ARRDC5: variants seen among roughly 807,000 people sequenced by gnomAD.
The protein encoded by ARRDC5 is arrestin domain containing 5.
ARRDC5 carries 12 observed loss-of-function variants against 13.3 expected under a neutral mutation model. That is an observed-to-expected ratio of 0.90 (90% CI 0.58 to 1.46). ARRDC5 has a LOEUF of 1.46. Among genes scored for constraint, ARRDC5 ranks in the 40% most tolerant of loss-of-function variants. The pLI is 0.00. For missense variants in ARRDC5, 406 were observed against 418.7 expected (o/e 0.97, Z 0.26); for synonymous variants, 181 against 173.4 (o/e 1.04, Z -0.34).
chr19:4,916,562 G>A, the ARRDC5 span, among the ~76,000 whole-genome samples: 29 of 152,090 alleles, frequency 1.9e-4, no homozygotes, highest in African/African-American at 6.3e-4. Context: ...TGACCCGGCC[G>A]GGTCGAAGGG....
rs1217500792 is a variant in ARRDC5, at chr19:4,899,764, C to CAAAAAA, written c.253+2803_253+2808dup. On this transcript the variant is annotated intron_variant, in intron 1 of 2. Transcript: ENST00000650722. ...TTAACACGGTGAAACCCCGTCTCTA[C>CAAAAAA]AAAAAAAAAAAAAAAAAAAAAAAAA... Among the ~76,000 whole-genome samples the CAAAAAA allele has an allele frequency of 2.2e-3, 152 of 67,590 alleles. 2 individuals are homozygous for CAAAAAA. Among genetic ancestry groups the CAAAAAA allele is most frequent in the Non-Finnish European group, 2.5e-3 (88 of 35,362 alleles). The allele number at this position is 67,590 out of a possible 152,430, so 44.3% of individuals were successfully genotyped here.
the ARRDC5 span, among the ~76,000 whole-genome samples, chr19:4,916,776 C>T: frequency 1.3e-5 from 2 of 152,248 alleles, no homozygotes; most frequent in African/African-American, 2.4e-5. Context: ...TGAGACGGGC[C>T]AGCAGGAGCT....
intron 2 of ARRDC5, among the ~76,000 whole-genome samples, chr19:4,896,321 A>T (rs1486839043): frequency 5.7e-5 from 4 of 69,942 alleles, no homozygotes; most frequent in African/African-American, 2.9e-4. Flanking sequence ...CTCAAAAAAA[A>T]AAAAAAAAAT....
upstream of ARRDC5, among the ~76,000 whole-genome samples, chr19:4,905,299 T>G (rs560457173): frequency 6.6e-6 from 1 of 150,524 alleles, no homozygotes; most frequent in South Asian, 2.1e-4. Context: ...TTTTGTATTT[T>G]TAGTAGAGAT....
chr19:4,908,450 C>T, the ARRDC5 span, among the ~76,000 whole-genome samples: 1 of 152,092 alleles, frequency 6.6e-6, no homozygotes, highest in South Asian at 2.1e-4. Context: ...ATATATCACC[C>T]CTCTGACCTC....
chr19:4,893,015 A>G (rs1051481911), intron 2 of ARRDC5, among the ~76,000 whole-genome samples: 1 of 149,920 alleles, frequency 6.7e-6, no homozygotes, highest in African/African-American at 2.5e-5. Flanking sequence ...AGGCGGGAGA[A>G]TTGCTGGAAT....
chr19:4,902,192 C>T (rs1387028427), intron 1 of ARRDC5, among the ~76,000 whole-genome samples: 1 of 150,736 alleles, frequency 6.6e-6, no homozygotes, highest in Non-Finnish European at 1.5e-5. Context: ...GCCTGGCCCA[C>T]CTCCACTGTC....
At chr19:4,910,802 C>G in the ARRDC5 span, 1 of 1,475,644 alleles carries the variant, frequency 6.8e-7, no homozygotes, top group Non-Finnish European at 9.1e-7. Context: ...AAAGCAACCC[C>G]GACTCCTTAG....
chr19:4,892,665 T>C (rs2031552306), intron 2 of ARRDC5, among the ~76,000 whole-genome samples: 1 of 152,148 alleles, frequency 6.6e-6, no homozygotes, highest in South Asian at 2.1e-4. Flanking sequence ...AGCCTGCTTT[T>C]ATTTTTAAAA....
the ARRDC5 span, among the ~76,000 whole-genome samples, chr19:4,908,540 G>A: frequency 4.6e-5 from 7 of 151,920 alleles, no homozygotes; most frequent in East Asian, 5.8e-4. Flanking sequence ...AGCCTTTTCC[G>A]GCCTCTGGGT....
At chr19:4,902,460 C>T in intron 1 of ARRDC5, 113 bp downstream of exon 1, 3 of 1,027,108 alleles carry the variant, frequency 2.9e-6, no homozygotes, top group South Asian at 1.5e-5. Flanking sequence ...AGAAATCAGG[C>T]CACTCCCTAT....
intron 1 of ARRDC5, 106 bp from the exon 2 acceptor site, chr19:4,896,982 G>A (rs112238067): frequency 2.6e-6 from 2 of 766,162 alleles, no homozygotes; most frequent in Admixed American, 2.9e-5. Context: ...TTTGAGACAC[G>A]GTCTCACTCT....
At chr19:4,909,420 C>A in the ARRDC5 span, 16 of 651,748 alleles carry the variant, frequency 2.5e-5, no homozygotes, top group South Asian at 2.4e-4. Flanking sequence ...GTCGGCCAAT[C>A]AGGAGGCAGG....
the ARRDC5 span, among the ~76,000 whole-genome samples, chr19:4,915,884 C>T: frequency 3.9e-5 from 6 of 152,172 alleles, no homozygotes; most frequent in South Asian, 6.2e-4. Context: ...CAGATCCTTA[C>T]GTGCGCTGTG....
chr19:4,893,212 T>TTA (rs35454396), intron 2 of ARRDC5, among the ~76,000 whole-genome samples: 10,713 of 140,478 alleles, frequency 0.076, 499 homozygotes, highest in Admixed American at 0.16. Flanking sequence ...TATATATATA[T>TTA]TATATATATA....
the ARRDC5 span, among the ~76,000 whole-genome samples, chr19:4,907,908 C>CA: frequency 2.0e-5 from 3 of 151,378 alleles, no homozygotes; most frequent in Non-Finnish European, 4.4e-5. Flanking sequence ...AACGGGGTTT[C>CA]TCCATGTTAG....
At chr19:4,902,178 CTG>C (rs1345296801) in intron 1 of ARRDC5, among the ~76,000 whole-genome samples, 1 of 151,962 alleles carries the variant, frequency 6.6e-6, no homozygotes, top group Non-Finnish European at 1.5e-5. Flanking sequence ...GTATGAACCA[CTG>C]TGCCTGGCCC....
At chr19:4,910,650 C>T in the ARRDC5 span, 3 of 409,770 alleles carry the variant, frequency 7.3e-6, no homozygotes, top group Non-Finnish European at 1.3e-5. Flanking sequence ...TTTCATTCTC[C>T]TTCCTCCTCA....
upstream of ARRDC5, among the ~76,000 whole-genome samples, chr19:4,906,378 G>A (rs141152108): frequency 6.6e-6 from 1 of 152,152 alleles, no homozygotes; most frequent in African/African-American, 2.4e-5. Context: ...TTTCTGCAGG[G>A]AGGGCTAGAT....
Sources: allele counts gnomAD v4.1 joint callset (sites outside exome capture counted in the v4.1 genomes callset), GRCh38; gene constraint gnomAD v4.1.1; transcripts MANE v1.5; gene names NCBI Gene and HGNC (gene_info 2026-07-23, HGNC 2026-07-21).